Variants in SORCS2 observed in about 807,000 individuals in gnomAD.
SORCS2 encodes the protein VPS10 domain-containing receptor SorCS2.
SORCS2 carries 100 observed loss-of-function variants against 141.6 expected under a neutral mutation model. The ratio of observed to expected loss-of-function variants is 0.71; its 90% CI spans 0.60 to 0.83. The LOEUF (loss-of-function observed/expected upper bound fraction) is 0.83. SORCS2 is among the 40% of genes least tolerant of loss of function. The pLI, the probability that SORCS2 is intolerant of heterozygous loss-of-function variation, is 0.00. For synonymous variants in SORCS2, 789 were observed against 676.9 expected (o/e 1.17, Z -2.57); for missense variants, 1,646 against 1,560.2 (o/e 1.05, Z -0.93).
chr4:7,507,494 G>T (rs1263176514), intron 2 of SORCS2, among the ~76,000 whole-genome samples: 1 of 152,166 alleles, frequency 6.6e-6, no homozygotes, highest in Non-Finnish European at 1.5e-5. Flanking sequence ...TTTAAAGTTT[G>T]TGTAGAAGAA....
chr4:7,415,605 C>T (rs996639669), intron 2 of SORCS2, among the ~76,000 whole-genome samples: 5 of 152,218 alleles, frequency 3.3e-5, no homozygotes, highest in African/African-American at 1.2e-4. Context: ...AGGTAATATG[C>T]TTGCGCTGTG....
chr4:7,601,818 C>A (rs1717706918), intron 3 of SORCS2, among the ~76,000 whole-genome samples: 1 of 151,942 alleles, frequency 6.6e-6, no homozygotes, highest in African/African-American at 2.4e-5. Context: ...GACCCTGCCG[C>A]CTTCCGCAGT....
intron 3 of SORCS2, among the ~76,000 whole-genome samples, chr4:7,567,557 C>A (rs995564715): frequency 6.6e-6 from 1 of 152,162 alleles, no homozygotes; most frequent in African/African-American, 2.4e-5. Context: ...CGCATCACAC[C>A]AAGGCCACAC....
chr4:7,638,473 C>T lies in SORCS2; in HGVS notation c.794C>T (p.Ala265Val), dbSNP rs1175843189. ...FHPKEEDKVL[A>V]YTKESKLYVS... ...CCTAAGGAGGAGGACAAGGTCCTCG[C>T]CTACACAAAGGAGAGCAAGGTAAGA... The change falls in exon 4 of 27, where the codon GCC (alanine) becomes GTC (valine). Residue 265 changes from alanine (A) to valine (V), a missense_variant. Ala to Val is a moderately conservative substitution (Grantham distance 64). Transcript: ENST00000507866. The T allele has an allele frequency of 5.0e-6, 8 of 1,607,834 alleles. No homozygotes were observed. The African/African-American group carries it at 6.8e-5, about 14-fold the overall frequency.
chr4:7,467,360 C>G lies in SORCS2; in HGVS notation c.549-64170C>G, dbSNP rs1243991780. On this transcript the variant is annotated intron_variant, in intron 2 of 26. Coordinates refer to ENST00000507866, the MANE Select transcript of SORCS2 (RefSeq NM_020777.3). ...ATCTGCTGTCCTTTCTTCTTGGGGCCCTGGGATGAGGAGCTCACCCTGGGG... is the reference window on the plus strand; with the variant it reads ...ATCTGCTGTCCTTTCTTCTTGGGGCGCTGGGATGAGGAGCTCACCCTGGGG... Among the ~76,000 whole-genome samples the G allele has an allele frequency of 4.6e-5, 7 of 152,282 alleles. No homozygotes were observed. The South Asian group carries it at 1.2e-3, about 27-fold the overall frequency.
chr4:7,466,752 C>G (rs1369292926), intron 2 of SORCS2, among the ~76,000 whole-genome samples: 1 of 152,178 alleles, frequency 6.6e-6, no homozygotes, highest in Non-Finnish European at 1.5e-5. Context: ...TCCAGGCAGA[C>G]TCCCAGCTTT....
intron 1 of SORCS2, among the ~76,000 whole-genome samples, chr4:7,214,099 C>T (rs1349630323): frequency 1.3e-5 from 2 of 152,092 alleles, no homozygotes; most frequent in Non-Finnish European, 2.9e-5. Flanking sequence ...CTCTTGTCTT[C>T]CAAAAAGGAA....
At chr4:7,238,453 G>T (rs547868788) in intron 1 of SORCS2, among the ~76,000 whole-genome samples, 6 of 152,320 alleles carry the variant, frequency 3.9e-5, no homozygotes, top group African/African-American at 1.4e-4. Context: ...TAGGAAGATG[G>T]CTGGTAGCAG....
At chr4:7,668,778 G>T (rs1273769205) in intron 8 of SORCS2, among the ~76,000 whole-genome samples, 1 of 152,218 alleles carries the variant, frequency 6.6e-6, no homozygotes, top group African/African-American at 2.4e-5. Flanking sequence ...GACCTTTTCA[G>T]CATCTGGGAA....
At chr4:7,631,150 G>C (rs1033363463) in intron 3 of SORCS2, among the ~76,000 whole-genome samples, 18 of 151,064 alleles carry the variant, frequency 1.2e-4, no homozygotes, top group Admixed American at 4.6e-4. Flanking sequence ...GGAGGAGATG[G>C]GTTGGAGCCC....
chr4:7,224,471 A>ATCTGGCCT (rs60744816), intron 1 of SORCS2, among the ~76,000 whole-genome samples: 36,146 of 152,030 alleles, frequency 0.24, 4,387 homozygotes, highest in Middle Eastern at 0.25. Flanking sequence ...AAACCTCGCC[A>ATCTGGCCT]TCTGGCCTTT....
intron 3 of SORCS2, among the ~76,000 whole-genome samples, chr4:7,593,269 T>C (rs532876844): frequency 6.6e-6 from 1 of 152,292 alleles, no homozygotes; most frequent in African/African-American, 2.4e-5. Flanking sequence ...TGCTGCAATC[T>C]TTTGGCCAAA....
chr4:7,464,813 G>A (rs1419920903), intron 2 of SORCS2, among the ~76,000 whole-genome samples: 1 of 152,244 alleles, frequency 6.6e-6, no homozygotes, highest in Non-Finnish European at 1.5e-5. Context: ...TGGGCATCGG[G>A]ATAGTGCCTA....
intron 1 of SORCS2, among the ~76,000 whole-genome samples, chr4:7,304,822 T>C (rs949335753): frequency 2.0e-5 from 3 of 152,196 alleles, no homozygotes; most frequent in Admixed American, 6.5e-5. Flanking sequence ...ATTCATTGCT[T>C]CCTGCTCCCT....
intron 2 of SORCS2, among the ~76,000 whole-genome samples, chr4:7,440,275 G>A (rs550756056): frequency 1.3e-5 from 2 of 152,356 alleles, no homozygotes; most frequent in East Asian, 3.9e-4. Flanking sequence ...GGAACAAAGA[G>A]GGGAGCTCTC....
chr4:7,407,402 G>A (rs1725033412), intron 2 of SORCS2, among the ~76,000 whole-genome samples: 1 of 152,072 alleles, frequency 6.6e-6, no homozygotes, highest in South Asian at 2.1e-4. Context: ...ATATCCTCAT[G>A]GTGCATTGAC....
chr4:7,629,669 G>T (rs992383003), intron 3 of SORCS2, among the ~76,000 whole-genome samples: 1 of 150,872 alleles, frequency 6.6e-6, no homozygotes, highest in African/African-American at 2.4e-5. Context: ...GTTCCTTTCC[G>T]GCACCCCCAG....
intron 2 of SORCS2, among the ~76,000 whole-genome samples, chr4:7,487,738 A>G (rs1256751644): frequency 6.6e-6 from 1 of 152,022 alleles, no homozygotes; most frequent in Non-Finnish European, 1.5e-5. Flanking sequence ...CTCCAGCCCC[A>G]TGCTGCCTGG....
intron 3 of SORCS2, among the ~76,000 whole-genome samples, chr4:7,580,878 T>G (rs531199736): frequency 6.6e-6 from 1 of 152,166 alleles, no homozygotes. Context: ...GACGAAAGTT[T>G]ACTGGGAGGC....
Sources: allele counts gnomAD v4.1 joint callset (sites outside exome capture counted in the v4.1 genomes callset), GRCh38; gene constraint gnomAD v4.1.1; transcripts MANE v1.5; gene names NCBI Gene and HGNC (gene_info 2026-07-23, HGNC 2026-07-21).